Variants in RANBP17 observed in about 807,000 individuals in gnomAD.
The protein encoded by RANBP17 is RAN binding protein 17.
A neutral mutation model predicts 141.2 loss-of-function variants in RANBP17; 158 were observed. The ratio of observed to expected loss-of-function variants is 1.12; its 90% CI spans 0.98 to 1.28. The LOEUF (loss-of-function observed/expected upper bound fraction) is 1.28. Ranked by LOEUF, RANBP17 falls within the 50% of genes most tolerant of loss-of-function variation. RANBP17 has a pLI of 0.00. For missense variants in RANBP17, 1,438 were observed against 1,290.7 expected (o/e 1.11, Z -1.75); for synonymous variants, 430 against 450.0 (o/e 0.96, Z 0.56).
At chr5:170,954,023 T>C (rs1002419704) in intron 13 of RANBP17, among the ~76,000 whole-genome samples, 2 of 152,108 alleles carry the variant, frequency 1.3e-5, no homozygotes, top group Non-Finnish European at 2.9e-5. Context: ...TTGGGTGACA[T>C]ACATCCAATC....
At chr5:171,274,541 CAG>C (rs1310807442) in intron 25 of RANBP17, among the ~76,000 whole-genome samples, 1 of 151,842 alleles carries the variant, frequency 6.6e-6, no homozygotes, top group Non-Finnish European at 1.5e-5. Flanking sequence ...TATTTTAAAA[CAG>C]AAAAAGCAAT....
At chr5:170,917,801 C>T (rs1411767122) in intron 9 of RANBP17, among the ~76,000 whole-genome samples, 1 of 152,102 alleles carries the variant, frequency 6.6e-6, no homozygotes, top group Non-Finnish European at 1.5e-5. Context: ...GATTTTCCAA[C>T]ATCCTTACGT....
At chr5:171,288,276 C>T (rs890787341) in intron 25 of RANBP17, among the ~76,000 whole-genome samples, 1 of 152,184 alleles carries the variant, frequency 6.6e-6, no homozygotes, top group Non-Finnish European at 1.5e-5. Flanking sequence ...ACAAGAATTT[C>T]AGTGGTGGCC....
intron 14 of RANBP17, among the ~76,000 whole-genome samples, chr5:171,049,873 CTTG>C (rs1408081839): frequency 6.6e-6 from 1 of 152,044 alleles, no homozygotes; most frequent in Non-Finnish European, 1.5e-5. Context: ...TTACTGTAGC[CTTG>C]TATTATAGTT....
At chr5:171,200,597 C>T (rs1762244331) in intron 19 of RANBP17, among the ~76,000 whole-genome samples, 1 of 151,976 alleles carries the variant, frequency 6.6e-6, no homozygotes, top group South Asian at 2.1e-4. Flanking sequence ...ATGTAGACAC[C>T]TTTGTTGGTG....
intron 20 of RANBP17, chr5:171,207,985 A>G (rs1247227549): frequency 6.6e-6 from 1 of 152,230 alleles, no homozygotes; most frequent in African/African-American, 2.4e-5. Flanking sequence ...AAAAAATGCC[A>G]TGGATATGAA....
chr5:171,024,556 T>C (rs919009920), intron 14 of RANBP17, among the ~76,000 whole-genome samples: 6 of 152,166 alleles, frequency 3.9e-5, no homozygotes, highest in African/African-American at 1.4e-4. Context: ...AGATCACCAC[T>C]GACTACATTA....
chr5:171,281,089 G>GTC (rs1327341258), intron 25 of RANBP17, among the ~76,000 whole-genome samples: 1 of 152,164 alleles, frequency 6.6e-6, no homozygotes, highest in Admixed American at 6.5e-5. Context: ...CTCCTGTGGT[G>GTC]TCATTCCCAG....
At chr5:171,142,089 T>G (rs1248207745) in intron 14 of RANBP17, among the ~76,000 whole-genome samples, 1 of 152,218 alleles carries the variant, frequency 6.6e-6, no homozygotes, top group Non-Finnish European at 1.5e-5. Context: ...CAAATCTTTT[T>G]CATATGCTGT....
rs572435373 is a variant in RANBP17, at chr5:171,152,250, T to TAAA, written c.1711-17870_1711-17868dup. Among the ~76,000 whole-genome samples the TAAA allele has an allele frequency of 4.8e-4, 66 of 137,870 alleles. 1 individual carries two copies. Among genetic ancestry groups the TAAA allele is most frequent in the African/African-American group, 1.6e-3 (60 of 37,544 alleles). 90.4% of individuals were successfully genotyped at this position (137,870 alleles called of 152,430 possible). The stretch of plus-strand genomic sequence containing the variant: ...CAACATGGTGAAACTTCATCTCTAC[T>TAAA]AAAAAAAAAAAAGTAAAAAATTAGC... On this transcript the variant is annotated intron_variant, in intron 14 of 27. Transcript: ENST00000523189.
chr5:171,179,276 G>T (rs1760728070), intron 16 of RANBP17, among the ~76,000 whole-genome samples: 1 of 152,022 alleles, frequency 6.6e-6, no homozygotes, highest in African/African-American at 2.4e-5. Flanking sequence ...GGCCTATATA[G>T]TCTCCCTTAG....
chr5:170,864,780 C>A (rs1364526256), intron 1 of RANBP17, among the ~76,000 whole-genome samples: 1 of 152,138 alleles, frequency 6.6e-6, no homozygotes. Flanking sequence ...AGTCAAGCTA[C>A]CTGATTTGAT....
At chr5:170,928,712 T>C (rs1269964036) in intron 12 of RANBP17, among the ~76,000 whole-genome samples, 1 of 152,090 alleles carries the variant, frequency 6.6e-6, no homozygotes, top group Non-Finnish European at 1.5e-5. Flanking sequence ...AATACTATAT[T>C]GTCTTGATTA....
chr5:171,187,983 A>G (rs1257671853), intron 18 of RANBP17, among the ~76,000 whole-genome samples: 2 of 152,206 alleles, frequency 1.3e-5, no homozygotes, highest in Admixed American at 6.5e-5. Flanking sequence ...TTTTTTGCCC[A>G]TAAAAGGCAT....
At chr5:171,014,580 A>G (rs1382171815) in intron 14 of RANBP17, among the ~76,000 whole-genome samples, 2 of 151,868 alleles carry the variant, frequency 1.3e-5, no homozygotes, top group African/African-American at 4.8e-5. Flanking sequence ...GAGTACTTCC[A>G]TTTCCTCCCT....
intron 14 of RANBP17, among the ~76,000 whole-genome samples, chr5:170,990,288 C>T (rs745932885): frequency 6.6e-6 from 1 of 151,856 alleles, no homozygotes; most frequent in African/African-American, 2.4e-5. Context: ...TTGTGGCTTA[C>T]TATATTTCTG....
chr5:170,916,579 C>G lies in RANBP17; in HGVS notation c.949C>G (p.Pro317Ala), dbSNP rs746711257. The G allele has an allele frequency of 5.8e-6, 9 of 1,544,798 alleles. No individual in the cohort carries two copies. Among genetic ancestry groups the G allele is most frequent in the Non-Finnish European group, 6.2e-6 (7 of 1,137,892 alleles). Residue 317 changes from proline to alanine, a missense_variant, in exon 9 of 28, where the codon CCT (proline) becomes GCT (alanine). Transcript: ENST00000523189. ...GGGAGTAAAAAGGATACTTGAAAAC[C>G]CTCAGGTATTTATGAAGTAATTTAA... Reference protein sequence around the residue: ...IKGVKRILENPQGLSDPGNYH... With the variant: ...IKGVKRILENAQGLSDPGNYH...
chr5:170,972,812 C>A (rs1252437405), intron 14 of RANBP17, among the ~76,000 whole-genome samples: 1 of 152,050 alleles, frequency 6.6e-6, no homozygotes, highest in Non-Finnish European at 1.5e-5. Flanking sequence ...TTTCCTCTCC[C>A]CCAGCCAGGG....
At chr5:171,279,780 T>A (rs1767740777) in intron 25 of RANBP17, among the ~76,000 whole-genome samples, 1 of 152,134 alleles carries the variant, frequency 6.6e-6, no homozygotes, top group Non-Finnish European at 1.5e-5. Context: ...ATGAGAGACC[T>A]ATGCAGAGAT....
Sources: gnomAD v4.1 joint callset for allele counts (sites outside exome capture counted in the v4.1 genomes callset) on GRCh38, gnomAD v4.1.1 for gene constraint, MANE v1.5 for transcripts, NCBI Gene and HGNC (gene_info 2026-07-23, HGNC 2026-07-21) for gene names.